The following TTLL7 variants were observed in gnomAD, a reference collection of about 807,000 sequenced individuals.
TTLL7 encodes tubulin tyrosine ligase like 7, also known as tubulin polyglutamylase TTLL7.
A neutral mutation model predicts 120.2 loss-of-function variants in TTLL7; 53 were observed. That is an observed-to-expected ratio of 0.44 (90% CI 0.35 to 0.55). The LOEUF (loss-of-function observed/expected upper bound fraction) is 0.55, where lower values mean the gene tolerates loss of function less well. Ranked by LOEUF, TTLL7 falls within the 20% of genes least tolerant of loss-of-function variation. The pLI, the probability that TTLL7 is intolerant of heterozygous loss-of-function variation, is 0.00. For synonymous variants in TTLL7, 353 were observed against 351.7 expected (o/e 1.00, Z -0.04); for missense variants, 803 against 1,054.7 (o/e 0.76, Z 3.31).
chr1:83,881,586 T>C lies in TTLL7; in HGVS notation c.2543+1377A>G, dbSNP rs1291581612. Among the ~76,000 whole-genome samples the C allele has an allele frequency of 2.3e-4, 35 of 151,236 alleles. No homozygotes were observed. The South Asian group carries it at 6.5e-3, about 28-fold the overall frequency. ...TGGCCATCAGTAAAAAGTCAGGAAA[T>C]AACAGGTGCTGGAGAGGATGTGGAG... On this transcript the variant is annotated intron_variant, in intron 20 of 20. Coordinates refer to ENST00000260505, the MANE Select transcript of TTLL7 (RefSeq NM_024686.6).
At chr1:83,885,048 A>C (rs891745366) in intron 19 of TTLL7, 1 of 279,444 alleles carries the variant, frequency 3.6e-6, no homozygotes, top group Non-Finnish European at 5.4e-6. Flanking sequence ...AGATTTATAG[A>C]TGTAGATAGA....
chr1:83,991,566 C>A (rs909789727), intron 1 of TTLL7, among the ~76,000 whole-genome samples: 7 of 152,058 alleles, frequency 4.6e-5, no homozygotes, highest in African/African-American at 1.7e-4. Context: ...ATCGCTTGAG[C>A]CCAGGAATTT....
chr1:83,886,782 A>G (rs928641967), intron 19 of TTLL7, among the ~76,000 whole-genome samples: 1 of 151,790 alleles, frequency 6.6e-6, no homozygotes, highest in African/African-American at 2.4e-5. Context: ...TTTACCTCAC[A>G]AACTCCTATT....
At chr1:83,964,551 AATGCTCATC>A (rs1650283423) in intron 1 of TTLL7, among the ~76,000 whole-genome samples, 1 of 152,146 alleles carries the variant, frequency 6.6e-6, no homozygotes. Context: ...ACTTGTTTTT[AATGCTCATC>A]ATCTTATTGG....
chr1:83,900,980 T>C (rs1014481548), intron 18 of TTLL7, among the ~76,000 whole-genome samples: 20 of 152,046 alleles, frequency 1.3e-4, no homozygotes, highest in Admixed American at 6.6e-4. Context: ...TAAATGGCTA[T>C]CTGAAATCCA....
intron 18 of TTLL7, among the ~76,000 whole-genome samples, chr1:83,900,407 C>T (rs183726069): frequency 1.3e-5 from 2 of 152,008 alleles, no homozygotes; most frequent in Non-Finnish European, 2.9e-5. Context: ...ATACAAAGTG[C>T]CATGAAGATT....
chr1:83,955,081 T>C (rs867176745), intron 1 of TTLL7, among the ~76,000 whole-genome samples: 7 of 152,318 alleles, frequency 4.6e-5, no homozygotes, highest in Middle Eastern at 3.4e-3. Context: ...TTCTTCCCTA[T>C]TCTTCCGTTG....
chr1:83,967,983 C>T (rs557447072), intron 1 of TTLL7, among the ~76,000 whole-genome samples: 44 of 151,960 alleles, frequency 2.9e-4, no homozygotes, highest in Non-Finnish European at 5.1e-4. Context: ...GGGGTAAGAA[C>T]AGTCGGGATG....
chr1:83,894,338 C>T (rs918602209), intron 18 of TTLL7, among the ~76,000 whole-genome samples: 1 of 152,002 alleles, frequency 6.6e-6, no homozygotes, highest in Non-Finnish European at 1.5e-5. Flanking sequence ...TTTAACGTTA[C>T]CTTAAGTTCA....
intron 1 of TTLL7, among the ~76,000 whole-genome samples, chr1:83,992,637 A>C (rs367560863): frequency 8.5e-5 from 13 of 152,246 alleles, no homozygotes; most frequent in African/African-American, 2.6e-4. Flanking sequence ...CATTGTAAAA[A>C]TGGTGGAAAT....
chr1:83,905,905 G>A (rs1657162126), intron 17 of TTLL7, among the ~76,000 whole-genome samples: 1 of 151,878 alleles, frequency 6.6e-6, no homozygotes, highest in South Asian at 2.1e-4. Flanking sequence ...GACATTCAAG[G>A]TGTCACATTC....
At chr1:83,895,137 T>G (rs1412031470) in intron 18 of TTLL7, among the ~76,000 whole-genome samples, 8 of 152,124 alleles carry the variant, frequency 5.3e-5, no homozygotes, top group Non-Finnish European at 1.2e-4. Flanking sequence ...TCTTCCTTTA[T>G]TAGCAAGCAC....
At chr1:83,941,836 CAT>C (rs1330760201) in intron 7 of TTLL7, among the ~76,000 whole-genome samples, 1 of 151,814 alleles carries the variant, frequency 6.6e-6, no homozygotes, top group African/African-American at 2.4e-5. Context: ...TTAATGAAAA[CAT>C]ATCTACACAA....
chr1:83,944,207 A>G (rs373641755), intron 6 of TTLL7, among the ~76,000 whole-genome samples: 1 of 152,170 alleles, frequency 6.6e-6, no homozygotes, highest in African/African-American at 2.4e-5. Flanking sequence ...TCTCAGAAGG[A>G]GAGAAGACAA....
In TTLL7 at chr1:83,956,371, C is replaced by T. The variant is rs575513481; in HGVS notation, c.-176-3984G>A. Among the ~76,000 whole-genome samples the T allele has an allele frequency of 2.5e-4, 37 of 150,702 alleles. No homozygotes were observed. In the South Asian group the frequency reaches 5.2e-3, roughly 21 times the overall value. ...AACTCCTAGCCTCAAGTTATCCTTT[C>T]GCCTCAGCCTTCCAAAGTGCTGAGA... On this transcript the variant is annotated intron_variant, in intron 1 of 20. Coordinates refer to ENST00000260505, the MANE Select transcript of TTLL7 (RefSeq NM_024686.6).
chr1:83,993,496 G>C (rs765404914), intron 1 of TTLL7, among the ~76,000 whole-genome samples: 12 of 152,164 alleles, frequency 7.9e-5, no homozygotes, highest in Non-Finnish European at 1.2e-4. Context: ...CAACTATACT[G>C]TTCCATTACA....
intron 1 of TTLL7, among the ~76,000 whole-genome samples, chr1:83,985,141 G>A (rs921415482): frequency 6.6e-6 from 1 of 152,168 alleles, no homozygotes; most frequent in African/African-American, 2.4e-5. Flanking sequence ...GGGGAAGACA[G>A]AAGCTGGTAG....
intron 1 of TTLL7, among the ~76,000 whole-genome samples, chr1:83,970,881 C>G (rs997860250): frequency 6.6e-6 from 1 of 151,994 alleles, no homozygotes; most frequent in Admixed American, 6.6e-5. Flanking sequence ...CTAGGAAAGT[C>G]TGGGAACCAG....
At chr1:83,882,853 C>A (rs1290385638) in intron 20 of TTLL7, 110 bp downstream of exon 20, 3 of 1,266,880 alleles carry the variant, frequency 2.4e-6, no homozygotes, top group Non-Finnish European at 3.3e-6. Context: ...AACTTTCAGT[C>A]TTTAGCTTTT....
Sources: gnomAD v4.1 joint callset for allele counts (sites outside exome capture counted in the v4.1 genomes callset) on GRCh38, gnomAD v4.1.1 for gene constraint, MANE v1.5 for transcripts, NCBI Gene and HGNC (gene_info 2026-07-23, HGNC 2026-07-21) for gene names.